Variants in FAM161B observed in about 807,000 individuals in gnomAD.
The protein encoded by FAM161B is protein FAM161B.
A neutral mutation model predicts 61.5 loss-of-function variants in FAM161B; 46 were observed. The ratio of observed to expected loss-of-function variants is 0.75; its 90% CI spans 0.59 to 0.96. The LOEUF is 0.96. FAM161B is among the 40% of genes least tolerant of loss of function. The pLI, the probability that FAM161B is intolerant of heterozygous loss-of-function variation, is 0.00. For missense variants in FAM161B, 774 were observed against 800.7 expected (o/e 0.97, Z 0.40); for synonymous variants, 284 against 302.7 (o/e 0.94, Z 0.64).
chr14:73,924,962 C>CCACT, the FAM161B span: 2 of 277,748 alleles, frequency 7.2e-6, no homozygotes, highest in Admixed American at 5.1e-5. Context: ...CAGGCGTGAG[C>CCACT]CACTGCACCC....
chr14:73,925,191 T>C, the FAM161B span, among the ~76,000 whole-genome samples: 1 of 152,198 alleles, frequency 6.6e-6, no homozygotes, highest in East Asian at 1.9e-4. Context: ...TTTTTGATCT[T>C]GATATCATTG....
At position 73,944,670 on chromosome 14, in the gene FAM161B, T is replaced by C. The variant is rs1422596030; in HGVS notation, c.590A>G (p.Gln197Arg). Residue 197 changes from glutamine (Q) to arginine (R), a missense_variant, in exon 3 of 9, where the codon CAG becomes CGG. Transcript: ENST00000286544. ...EWLGSPASFE[Q>R]ERQRAQRQGE... ...CTGCCTCTGGGCCCGCTGCCTCTCC[T>C]GCTCAAAGGAGGCAGGTGAGCCCAG... 6.2e-7 allele frequency: 1 copy of C among 1,611,948 alleles called. No homozygotes were observed. The highest frequency in any genetic ancestry group is 2.2e-5 in the East Asian group (1 of 44,768).
chr14:73,934,584 G>A (rs1330174085), intron 8 of FAM161B, among the ~76,000 whole-genome samples, 190 bp from the exon 9 acceptor site: 2 of 151,646 alleles, frequency 1.3e-5, no homozygotes, highest in African/African-American at 2.4e-5. Context: ...TTATAGGCAC[G>A]TGCCACTGCA....
At chr14:73,946,225 G>A in intron 2 of FAM161B, 61 bp downstream of exon 2, 1 of 1,497,304 alleles carries the variant, frequency 6.7e-7, no homozygotes, top group Non-Finnish European at 9.1e-7. Flanking sequence ...GAAGCCCAGA[G>A]ACACGATGTG....
At chr14:73,938,154 G>A (rs781091068) in intron 5 of FAM161B, 42 bp from the exon 6 acceptor site, 6 of 1,603,992 alleles carry the variant, frequency 3.7e-6, no homozygotes, top group Non-Finnish European at 5.1e-6. Context: ...TTACCAACCT[G>A]GGTATACTGA....
Position 73,946,614 on chromosome 14 carries a change from G to C in FAM161B, c.55-9C>G. On this transcript the variant is annotated splice_polypyrimidine_tract_variant and intron_variant, in intron 1 of 8. Transcript: ENST00000286544. Reference sequence around the variant, plus strand: ...GACTCGGGGGGAAATATCTAAAATAGAATAGAAATAGGCTGTGGGTCAAAC... The same window carrying C: ...GACTCGGGGGGAAATATCTAAAATACAATAGAAATAGGCTGTGGGTCAAAC... The C allele has an allele frequency of 6.2e-7, 1 of 1,609,274 alleles. No individual in the cohort carries two copies. Among genetic ancestry groups the C allele is most frequent in the Non-Finnish European group, 8.5e-7 (1 of 1,176,722 alleles).
chr14:73,935,151 G>A (rs1031138759), intron 8 of FAM161B, among the ~76,000 whole-genome samples: 1 of 152,098 alleles, frequency 6.6e-6, no homozygotes, highest in Non-Finnish European at 1.5e-5. Context: ...AATTAGGGTA[G>A]GGGCTGCTAG....
intron 2 of FAM161B, 151 bp from the exon 3 acceptor site, chr14:73,945,036 T>C: frequency 1.9e-6 from 1 of 528,320 alleles, no homozygotes. Context: ...TCCATGACCT[T>C]CCCACAGACA....
the FAM161B span, chr14:73,923,326 G>C: frequency 2.0e-6 from 3 of 1,531,856 alleles, no homozygotes; most frequent in Non-Finnish European, 1.8e-6. Context: ...TTAATGAGAG[G>C]CTTAATGATC....
chr14:73,942,609 G>T lies in FAM161B; in HGVS notation c.1032C>A (p.Pro344=), dbSNP rs1463341398. 4 of 1,614,088 alleles carry T rather than the reference G, an allele frequency of 2.5e-6. No homozygotes were observed. In the African/African-American group the frequency reaches 5.3e-5, roughly 22 times the overall value. The change falls in exon 4 of 9, where the codon CCC becomes CCA. Residue 344 remains proline (P), a synonymous_variant. Transcript: ENST00000286544. The stretch of plus-strand genomic sequence containing the variant: ...CCTGCTGGGTTCGGGTGGCTGTGCG[G>T]GGCTGTGGGTTAGCCCGGTTACTAG... The part of the protein sequence containing the change: ...ASSSNRANPQ[P]RTATRTQQEK...
At chr14:73,935,551 A>T (rs534701708) in intron 8 of FAM161B, among the ~76,000 whole-genome samples, 2 of 131,904 alleles carry the variant, frequency 1.5e-5, no homozygotes, top group East Asian at 4.3e-4. Context: ...CAAAAAATAA[A>T]AAAAAAAAGG....
chr14:73,945,282 G>T (rs1301419146), intron 2 of FAM161B, among the ~76,000 whole-genome samples: 1 of 152,110 alleles, frequency 6.6e-6, no homozygotes, highest in Non-Finnish European at 1.5e-5. Flanking sequence ...GGAGGAGAAA[G>T]TAAATATTAA....
In FAM161B at chr14:73,944,390, G is replaced by A; in HGVS notation, c.870C>T (p.Ala290=). 1.2e-6 allele frequency: 2 copies of A among 1,606,738 alleles called. No homozygotes were observed. Among genetic ancestry groups the A allele is most frequent in the Non-Finnish European group, 1.7e-6 (2 of 1,174,098 alleles). ...GAATGGACTTGGGAATCCTTCTGGTGGCCTTCTGCTTGGAGATCTTGGCTT... is the reference window on the plus strand; with the variant it reads ...GAATGGACTTGGGAATCCTTCTGGTAGCCTTCTGCTTGGAGATCTTGGCTT... ...TAEAKISKQK[A]TRRIPKSILE... is the part of the protein sequence containing the mutation. The change falls in exon 3 of 9, where the codon GCC becomes GCT. Residue 290 remains alanine, a synonymous_variant. Coordinates refer to ENST00000286544, the MANE Select transcript of FAM161B (RefSeq NM_152445.3).
At chr14:73,935,013 A>G (rs1847923242) in intron 8 of FAM161B, among the ~76,000 whole-genome samples, 1 of 151,716 alleles carries the variant, frequency 6.6e-6, no homozygotes, top group Admixed American at 6.6e-5. Flanking sequence ...CAGTGAGCCA[A>G]GACTGCGCCA....
intron 5 of FAM161B, 136 bp downstream of exon 5, chr14:73,940,790 T>G: frequency 7.8e-7 from 1 of 1,279,952 alleles, no homozygotes; most frequent in Admixed American, 2.4e-5. Flanking sequence ...CCGCAATTGT[T>G]CCAGTCCTGA....
At chr14:73,923,422 C>A in the FAM161B span, 1 of 1,613,766 alleles carries the variant, frequency 6.2e-7, no homozygotes, top group South Asian at 1.1e-5. Flanking sequence ...TCCCCACGTT[C>A]CCTGTCTTCA....
intron 1 of FAM161B, among the ~76,000 whole-genome samples, chr14:73,948,000 C>A (rs1164257981): frequency 6.6e-6 from 1 of 152,064 alleles, no homozygotes; most frequent in Non-Finnish European, 1.5e-5. Context: ...TGCCTCACTG[C>A]AGCCTGAACC....
downstream of FAM161B, among the ~76,000 whole-genome samples, chr14:73,930,604 T>C (rs1486111075): frequency 6.6e-6 from 1 of 152,180 alleles, no homozygotes; most frequent in Non-Finnish European, 1.5e-5. Flanking sequence ...TCCCATCTCA[T>C]TTTTGTGTGT....
the FAM161B span, among the ~76,000 whole-genome samples, chr14:73,926,118 A>G: frequency 2.0e-5 from 3 of 152,190 alleles, no homozygotes; most frequent in Admixed American, 6.5e-5. Flanking sequence ...ATGATGGAGT[A>G]TTTCAAAGCA....
Sources: allele counts gnomAD v4.1 joint callset (sites outside exome capture counted in the v4.1 genomes callset), GRCh38; gene constraint gnomAD v4.1.1; transcripts MANE v1.5; gene names NCBI Gene and HGNC (gene_info 2026-07-23, HGNC 2026-07-21).